The following COL21A1 variants were observed in gnomAD, a reference collection of about 807,000 sequenced individuals.
COL21A1 encodes collagen type XXI alpha 1 chain.
A neutral mutation model predicts 137.9 loss-of-function variants in COL21A1; 149 were observed. That is an observed-to-expected ratio of 1.08 (90% confidence interval 0.95 to 1.24). The LOEUF (loss-of-function observed/expected upper bound fraction) is 1.24. COL21A1 is among the 50% of genes most tolerant of loss of function. The probability of loss-of-function intolerance (pLI) is 0.00; values close to 1 mark genes in which losing one functional copy is unlikely to be tolerated. For synonymous variants in COL21A1, 456 were observed against 391.5 expected (o/e 1.16, Z -1.95); for missense variants, 1,167 against 1,158.4 (o/e 1.01, Z -0.11).
intron 12 of COL21A1, among the ~76,000 whole-genome samples, chr6:56,131,053 T>C (rs1455622761): frequency 6.6e-6 from 1 of 151,638 alleles, no homozygotes; most frequent in African/African-American, 2.4e-5. Context: ...AGTTAATTAG[T>C]ACAGTTGGAA....
At chr6:56,226,203 T>C (rs1781179187) in intron 1 of COL21A1, among the ~76,000 whole-genome samples, 1 of 152,030 alleles carries the variant, frequency 6.6e-6, no homozygotes, top group Non-Finnish European at 1.5e-5. Context: ...CCGAATTACC[T>C]ACAGGGTAGC....
chr6:56,181,331 T>A (rs1777873064), intron 2 of COL21A1, among the ~76,000 whole-genome samples: 1 of 152,174 alleles, frequency 6.6e-6, no homozygotes, highest in African/African-American at 2.4e-5. Flanking sequence ...TTTTCTGTTA[T>A]TTTTGGAAGC....
At chr6:56,205,753 C>T (rs1451831326) in intron 1 of COL21A1, among the ~76,000 whole-genome samples, 13 of 152,180 alleles carry the variant, frequency 8.5e-5, no homozygotes, top group Non-Finnish European at 1.3e-4. Flanking sequence ...GGGTTACCCA[C>T]GAATGGAAGC....
chr6:56,142,576 C>T (rs1774496982), intron 10 of COL21A1, among the ~76,000 whole-genome samples: 1 of 152,126 alleles, frequency 6.6e-6, no homozygotes, highest in African/African-American at 2.4e-5. Flanking sequence ...TCTTAGACAT[C>T]CCTCCTCAAA....
At chr6:56,336,292 T>C (rs1020912066) in intron 1 of COL21A1, among the ~76,000 whole-genome samples, 17 of 152,224 alleles carry the variant, frequency 1.1e-4, no homozygotes. Context: ...GAATACTCCA[T>C]GAATTCTAAT....
chr6:56,093,727 T>C (rs565637136), intron 17 of COL21A1, among the ~76,000 whole-genome samples: 5 of 152,264 alleles, frequency 3.3e-5, no homozygotes, highest in Non-Finnish European at 5.9e-5. Context: ...CCAACAGCCT[T>C]CCCTCACTTT....
rs78820557 is a variant in COL21A1 at position 56,129,675 on chromosome 6, C to CGTGTGTGT, written c.1543-3534_1543-3527dup. Among the ~76,000 whole-genome samples, 1,298 of 136,438 alleles carry CGTGTGTGT rather than the reference C, an allele frequency of 9.5e-3. 15 individuals are homozygous for CGTGTGTGT. The highest frequency in any genetic ancestry group is 0.049 in the Middle Eastern group (13 of 266). The allele number at this position is 136,438 out of a possible 152,430, so 89.5% of individuals were successfully genotyped here. A position where few individuals can be genotyped will look rare whatever the true frequency, so the allele number is the denominator to read the frequency against. The stretch of plus-strand genomic sequence containing the variant: ...TGTTGCTTCCTCTGTCACGTGCGTG[C>CGTGTGTGT]GTGTGTGTGTGTGTGTGTGTGTGTG... On this transcript the variant is annotated intron_variant, in intron 12 of 29. Coordinates refer to ENST00000244728, the MANE Select transcript of COL21A1 (RefSeq NM_030820.4).
intron 1 of COL21A1, among the ~76,000 whole-genome samples, chr6:56,241,038 C>A (rs1018049221): frequency 1.4e-4 from 21 of 152,148 alleles, no homozygotes; most frequent in Admixed American, 6.5e-5. Flanking sequence ...TCCATAGGCA[C>A]CCAAGTAGGA....
chr6:56,114,268 CTGT>C (rs1309992418), intron 16 of COL21A1, among the ~76,000 whole-genome samples: 2 of 152,170 alleles, frequency 1.3e-5, no homozygotes, highest in Non-Finnish European at 2.9e-5. Context: ...AGACCCAGTG[CTGT>C]GCTGGCTTCA....
intron 12 of COL21A1, among the ~76,000 whole-genome samples, chr6:56,134,240 G>T (rs1420463908): frequency 1.3e-5 from 2 of 152,204 alleles, no homozygotes; most frequent in East Asian, 1.9e-4. Context: ...GCATGACCTG[G>T]ATGTAAGACA....
rs1209105255 is a variant in COL21A1, at chr6:56,098,376, T to C, written c.1812+3096A>G. ...AAATATATATATGAATATATATAAA[T>C]ATATATAAATATATAAATATATATA... On this transcript the variant is annotated intron_variant, in intron 17 of 29. Coordinates refer to ENST00000244728, the MANE Select transcript of COL21A1 (RefSeq NM_030820.4). 3.3e-4 allele frequency among the ~76,000 whole-genome samples: 15 copies of C among 45,524 alleles called. 2 individuals carry two copies. The highest frequency in any genetic ancestry group is 1.3e-3 in the African/African-American group (10 of 7,852). 29.9% of individuals were successfully genotyped at this position (45,524 alleles called of 152,430 possible).
chr6:56,158,229 T>C (rs1775904689), intron 9 of COL21A1, among the ~76,000 whole-genome samples: 1 of 150,452 alleles, frequency 6.6e-6, no homozygotes, highest in Admixed American at 6.6e-5. Context: ...TGATTTCTAT[T>C]AATTCTTCAC....
chr6:56,240,240 G>C (rs4715598), intron 1 of COL21A1, among the ~76,000 whole-genome samples: 86,704 of 151,178 alleles, frequency 0.57, 25,148 homozygotes, highest in East Asian at 0.73. Context: ...ATACAAAGCT[G>C]TTATAAAAGA....
intron 1 of COL21A1, among the ~76,000 whole-genome samples, chr6:56,279,538 C>T (rs1311972405): frequency 2.0e-5 from 3 of 152,156 alleles, no homozygotes; most frequent in Non-Finnish European, 2.9e-5. Flanking sequence ...ATGCAGCTCT[C>T]ATGAGGCCCA....
At chr6:56,247,074 G>T (rs1240261741) in intron 1 of COL21A1, among the ~76,000 whole-genome samples, 1 of 152,186 alleles carries the variant, frequency 6.6e-6, no homozygotes, top group Non-Finnish European at 1.5e-5. Flanking sequence ...GCTGAGGGTG[G>T]GGTTGAGCTC....
At chr6:56,392,944 T>C (rs1031977405) in intron 1 of COL21A1, among the ~76,000 whole-genome samples, 19 of 151,734 alleles carry the variant, frequency 1.3e-4, no homozygotes, top group African/African-American at 7.3e-5. Context: ...ACAGATTCAA[T>C]GCAATCTCTG....
intron 17 of COL21A1, among the ~76,000 whole-genome samples, chr6:56,093,921 G>T (rs1432144071): frequency 1.3e-5 from 2 of 152,110 alleles, no homozygotes; most frequent in East Asian, 3.8e-4. Flanking sequence ...TGGTTGAATG[G>T]ATTCATGAGT....
chr6:56,286,469 G>A (rs1425814593), intron 1 of COL21A1, among the ~76,000 whole-genome samples: 1 of 152,064 alleles, frequency 6.6e-6, no homozygotes, highest in African/African-American at 2.4e-5. Flanking sequence ...ATGTATACAT[G>A]CACACTTAAG....
intron 1 of COL21A1, among the ~76,000 whole-genome samples, chr6:56,261,510 T>G (rs1763275235): frequency 6.6e-6 from 1 of 152,118 alleles, no homozygotes. Context: ...GACCTGTTCT[T>G]CCTTGTGAGG....
Sources: allele counts gnomAD v4.1 joint callset (sites outside exome capture counted in the v4.1 genomes callset), GRCh38; gene constraint gnomAD v4.1.1; transcripts MANE v1.5; gene names NCBI Gene and HGNC (gene_info 2026-07-23, HGNC 2026-07-21).